The following TRAPPC9 variants were observed in gnomAD, a reference collection of about 807,000 sequenced individuals.
TRAPPC9 encodes IKK2 binding protein.
A neutral mutation model predicts 124.0 loss-of-function variants in TRAPPC9; 83 were observed. The observed-to-expected ratio is 0.67, with a 90% CI of 0.56 to 0.80. The LOEUF (loss-of-function observed/expected upper bound fraction) is 0.80. TRAPPC9 is among the 30% of genes least tolerant of loss of function. The pLI is 0.00. For missense variants in TRAPPC9, 1,302 were observed against 1,508.3 expected (o/e 0.86, Z 2.27); for synonymous variants, 638 against 617.5 (o/e 1.03, Z -0.49).
rs192309649 is a variant in TRAPPC9, at chr8:140,432,733, G to A, written c.859+2379C>T. ...TAAAAATACAAAAAATTAGCCAGGCGTGGTGGCGGACGCCTGTAGTCCCAG... is the reference window on the plus strand; with the variant it reads ...TAAAAATACAAAAAATTAGCCAGGCATGGTGGCGGACGCCTGTAGTCCCAG... On this transcript the variant is annotated intron_variant, in intron 4 of 22. Transcript: ENST00000438773. Among the ~76,000 whole-genome samples, 198 of 152,166 alleles carry A rather than the reference G, an allele frequency of 1.3e-3. 1 individual carries two copies. The highest frequency in any genetic ancestry group is 4.4e-3 in the African/African-American group (183 of 41,528).
intron 19 of TRAPPC9, among the ~76,000 whole-genome samples, chr8:139,926,840 A>G (rs2131364838): frequency 1.3e-5 from 2 of 152,268 alleles, no homozygotes; most frequent in South Asian, 4.1e-4. Flanking sequence ...GAGAAACTAA[A>G]CTGCATCAAA....
At chr8:140,222,083 C>G (rs2063349204) in intron 16 of TRAPPC9, among the ~76,000 whole-genome samples, 1 of 152,166 alleles carries the variant, frequency 6.6e-6, no homozygotes, top group African/African-American at 2.4e-5. Flanking sequence ...CCAGCCTTCC[C>G]TCTGCGTTTG....
intron 8 of TRAPPC9, among the ~76,000 whole-genome samples, chr8:140,364,537 C>T (rs941281557): frequency 6.6e-6 from 1 of 152,128 alleles, no homozygotes; most frequent in Non-Finnish European, 1.5e-5. Context: ...CCAACTCTCC[C>T]GTGCTAAGAC....
intron 16 of TRAPPC9, among the ~76,000 whole-genome samples, chr8:140,248,779 C>T (rs945804723): frequency 3.3e-5 from 5 of 152,138 alleles, no homozygotes; most frequent in Non-Finnish European, 7.3e-5. Context: ...GTTGACTTCT[C>T]TTACCCTAGG....
intron 21 of TRAPPC9, among the ~76,000 whole-genome samples, chr8:139,873,866 C>G (rs1269181616): frequency 6.6e-6 from 1 of 152,248 alleles, no homozygotes; most frequent in Non-Finnish European, 1.5e-5. Context: ...CCTCCGGAAA[C>G]AAACACCAGC....
intron 21 of TRAPPC9, among the ~76,000 whole-genome samples, chr8:139,763,762 G>A (rs985126203): frequency 6.6e-6 from 1 of 152,244 alleles, no homozygotes; most frequent in South Asian, 2.1e-4. Context: ...CAGGGGAGAC[G>A]AGGAGTGGCT....
At chr8:140,300,737 G>GCTTTTCCTCCCTCCATTT in intron 10 of TRAPPC9, 123 bp from the exon 11 acceptor site, 1 of 1,224,470 alleles carries the variant, frequency 8.2e-7, no homozygotes, top group Non-Finnish European at 1.2e-6. Context: ...TAAATGGAGG[G>GCTTTTCCTCCCTCCATTT]AGGAAAAGCA....
intron 21 of TRAPPC9, among the ~76,000 whole-genome samples, chr8:139,850,250 C>G (rs1277887988): frequency 2.0e-5 from 3 of 152,238 alleles, no homozygotes; most frequent in Non-Finnish European, 4.4e-5. Flanking sequence ...GGGCTGATCA[C>G]AGTGGTAATT....
At chr8:139,963,646 A>G (rs1426778618) in intron 19 of TRAPPC9, among the ~76,000 whole-genome samples, 1 of 150,992 alleles carries the variant, frequency 6.6e-6, no homozygotes, top group African/African-American at 2.4e-5. Flanking sequence ...AATTAAGCAC[A>G]CCTTCATGCT....
At chr8:140,442,799 G>A (rs1241306164) in intron 2 of TRAPPC9, among the ~76,000 whole-genome samples, 1 of 152,062 alleles carries the variant, frequency 6.6e-6, no homozygotes, top group Non-Finnish European at 1.5e-5. Context: ...CCTGGATAGA[G>A]AGAATCTCTT....
chr8:140,118,588 G>A (rs548481015), intron 17 of TRAPPC9, among the ~76,000 whole-genome samples: 1 of 152,374 alleles, frequency 6.6e-6, no homozygotes, highest in South Asian at 2.1e-4. Flanking sequence ...GGCAGGAGCA[G>A]AGAAGGACAC....
At position 140,024,019 on chromosome 8, in the gene TRAPPC9, A is replaced by G; in HGVS notation, c.2617T>C (p.Tyr873His). 6.2e-7 allele frequency: 1 copy of G among 1,614,116 alleles called. No individual in the cohort carries two copies. The highest frequency in any genetic ancestry group is 8.5e-7 in the Non-Finnish European group (1 of 1,180,018). ...TGCAGCCCCAGGGAGAGATTCCTGT[A>G]ATATCCTTCAGTGTGGCCCGGGCCT... is the stretch of plus-strand genomic sequence containing the variant. ...SGGPGHTEGY[Y>H]RNLSLGLHVE... Residue 873 changes from tyrosine (Y) to histidine (H), a missense_variant, in exon 18 of 23, where the codon TAC (tyrosine) becomes CAC (histidine). Around this residue, in one of 3 missense-constraint regions of TRAPPC9, gnomAD observed 640 missense variants for 679.3 expected, o/e 0.94. Transcript: ENST00000438773.
At chr8:140,427,749 G>A (rs2070482395) in intron 4 of TRAPPC9, among the ~76,000 whole-genome samples, 1 of 152,216 alleles carries the variant, frequency 6.6e-6, no homozygotes, top group African/African-American at 2.4e-5. Context: ...TGTCTACACA[G>A]AGAAGAGGCC....
At chr8:140,265,309 A>G (rs2064599563) in intron 15 of TRAPPC9, among the ~76,000 whole-genome samples, 1 of 152,244 alleles carries the variant, frequency 6.6e-6, no homozygotes, top group Non-Finnish European at 1.5e-5. Flanking sequence ...TTATTTGTGT[A>G]TTAAGTTCTG....
At chr8:140,215,371 G>A (rs534850353) in intron 17 of TRAPPC9, among the ~76,000 whole-genome samples, 3 of 152,144 alleles carry the variant, frequency 2.0e-5, no homozygotes, top group East Asian at 1.9e-4. Flanking sequence ...CGCCGGGCAC[G>A]GTGGCTCACG....
chr8:140,431,061 A>G (rs1320066573), intron 4 of TRAPPC9, among the ~76,000 whole-genome samples: 2 of 152,212 alleles, frequency 1.3e-5, no homozygotes, highest in Non-Finnish European at 2.9e-5. Flanking sequence ...TTAAGCCCCA[A>G]CATATACTAA....
intron 17 of TRAPPC9, among the ~76,000 whole-genome samples, chr8:140,197,082 C>A (rs1284707411): frequency 6.6e-6 from 1 of 152,176 alleles, no homozygotes; most frequent in Non-Finnish European, 1.5e-5. Context: ...ATGCATGCTT[C>A]ATCACTTCTC....
intron 7 of TRAPPC9, among the ~76,000 whole-genome samples, chr8:140,374,588 A>T (rs1054233167): frequency 3.3e-5 from 5 of 152,024 alleles, no homozygotes; most frequent in Admixed American, 2.6e-4. Flanking sequence ...AAAAGAAAAG[A>T]AAAGAAAAAA....
intron 17 of TRAPPC9, among the ~76,000 whole-genome samples, chr8:140,139,727 G>C (rs538475613): frequency 2.6e-5 from 4 of 152,264 alleles, no homozygotes; most frequent in African/African-American, 9.6e-5. Context: ...TATGGTATTA[G>C]GTTTGGGACA....
Sources: allele counts gnomAD v4.1 joint callset (sites outside exome capture counted in the v4.1 genomes callset), GRCh38; gene constraint gnomAD v4.1.1; regional missense constraint gnomAD v4.1.1; transcripts MANE v1.5; gene names NCBI Gene and HGNC (gene_info 2026-07-23, HGNC 2026-07-21).